TTN: variants seen among roughly 807,000 people sequenced by gnomAD.
The protein encoded by TTN is connectin.
TTN carries 1,525 observed loss-of-function variants against 3,223.0 expected under a neutral mutation model. The observed-to-expected ratio is 0.47, with a 90% CI of 0.45 to 0.49. The LOEUF (loss-of-function observed/expected upper bound fraction) is 0.49. TTN is among the 20% of genes least tolerant of loss of function. The pLI is 0.00. For synonymous variants in TTN, 14,094 were observed against 15,161.0 expected (o/e 0.93, Z 5.17); for missense variants, 40,786 against 43,424.0 (o/e 0.94, Z 5.40).
intron 319 of TTN, 63 bp from the exon 320 acceptor site, chr2:178,579,456 A>G: frequency 6.4e-7 from 1 of 1,561,962 alleles, no homozygotes; most frequent in Non-Finnish European, 8.6e-7. Context: ...TTTTTCAAAT[A>G]GTTCTAGCTT....
At chr2:178,753,301 C>T in intron 46 of TTN, 121 bp from the exon 47 acceptor site, 1 of 714,592 alleles carries the variant, frequency 1.4e-6, no homozygotes, top group Non-Finnish European at 2.3e-6. Flanking sequence ...CTACATTCCC[C>T]AAATTTACCA....
In TTN at chr2:178,759,007, C is replaced by T. The variant is rs368333336; in HGVS notation, c.10280G>A (p.Ser3427Asn). 13 of 1,613,894 alleles carry T rather than the reference C, an allele frequency of 8.1e-6. No individual in the cohort carries two copies. In the African/African-American group the frequency reaches 1.7e-4, roughly 22 times the overall value. Residue 3427 changes from serine (S) to asparagine (N), a missense_variant, in exon 44 of 363, where the codon AGC becomes AAC. Ser to Asn is a conservative substitution (Grantham distance 46, BLOSUM62 1). Coordinates refer to ENST00000589042, the MANE Select transcript of TTN (RefSeq NM_001267550.2). ...VASNAVGQVS[S>N]TANLSLEGFS... Reference sequence around the variant, plus strand: ...ACCTTCCAGACTCAGGTTGGCTGTGCTTGATACTTGGCCTACAGCATTACT... The same window carrying T: ...ACCTTCCAGACTCAGGTTGGCTGTGTTTGATACTTGGCCTACAGCATTACT...
chr2:178,533,444 G>A lies in TTN; in HGVS notation c.103171C>T (p.Pro34391Ser). ...TCTTTCTCCCATTTTAATGTTGGTG[G>A]GGGGATGCCAGACACTCTGATCTCA... ...CFEIRVSGIP[P>S]PTLKWEKDGQ... Residue 34391 changes from proline (P) to serine (S), a missense_variant, in exon 358 of 363, where the codon CCA becomes TCA. Pro to Ser is a moderately conservative substitution (Grantham distance 74). Coordinates refer to ENST00000589042, the MANE Select transcript of TTN (RefSeq NM_001267550.2). The A allele has an allele frequency of 2.5e-6, 4 of 1,613,788 alleles. No homozygotes were observed. The highest frequency in any genetic ancestry group is 2.5e-6 in the Non-Finnish European group (3 of 1,179,788).
Position 178,569,832 on chromosome 2 carries a change from C to G in TTN, c.76300G>C (p.Gly25434Arg). The part of the protein sequence containing the change: ...LSWSKPIYDG[G>R]CEIQGYIVEK... ...ACAATGTATCCTTGAATTTCACAGCCACCATCATATATTGGTTTGCTCCAA... is the reference window on the plus strand; with the variant it reads ...ACAATGTATCCTTGAATTTCACAGCGACCATCATATATTGGTTTGCTCCAA... Residue 25434 changes from glycine (G) to arginine (R), a missense_variant, in exon 326 of 363, where the codon GGC becomes CGC. By Grantham distance (125) the Gly-to-Arg change is moderately radical (BLOSUM62 -2). Transcript: ENST00000589042. The G allele has an allele frequency of 1.2e-6, 2 of 1,613,458 alleles. No individual in the cohort carries two copies. The highest frequency in any genetic ancestry group is 1.7e-6 in the Non-Finnish European group (2 of 1,179,620).
chr2:178,757,229 A>ACTGTACTTAC (rs1398848581), intron 45 of TTN, among the ~76,000 whole-genome samples: 1 of 149,626 alleles, frequency 6.7e-6, no homozygotes, highest in Admixed American at 6.7e-5. Context: ...AGTAAGTAAT[A>ACTGTACTTAC]ATCAGCAAAT....
Position 178,546,830 on chromosome 2 carries a change from T to A in TTN, c.94598A>T (p.Asp31533Val). The A allele has an allele frequency of 6.2e-7, 1 of 1,610,312 alleles. No homozygotes were observed. The highest frequency in any genetic ancestry group is 8.5e-7 in the Non-Finnish European group (1 of 1,177,034). Residue 31533 changes from aspartate to valine, a missense_variant, in exon 341 of 363, where the codon GAT becomes GTT. Transcript: ENST00000589042. ...GTAGCCCACAACCTTGCTGCCTCCA[T>A]CATACGCTGGGGCAGACCAAATCAG... Reference protein sequence around the residue: ...VSLIWSAPAYDGGSKVVGYII... With the variant: ...VSLIWSAPAYVGGSKVVGYII...
chr2:178,775,309 T>A (rs746684318), intron 28 of TTN, 47 bp downstream of exon 28: 1 of 1,612,674 alleles, frequency 6.2e-7, no homozygotes, highest in Admixed American at 1.7e-5. Flanking sequence ...TCATGGATAT[T>A]CTTGAATACA....
chr2:178,793,066 C>T (rs951341011), intron 9 of TTN, among the ~76,000 whole-genome samples: 6 of 152,214 alleles, frequency 3.9e-5, no homozygotes, highest in Non-Finnish European at 8.8e-5. Flanking sequence ...TTTCCCCATT[C>T]CTGCCTCAGC....
chr2:178,631,071 A>G lies in TTN; in HGVS notation c.43977T>C (p.Cys14659=). Residue 14659 remains cysteine, a synonymous_variant, in exon 237 of 363, where the codon TGT becomes TGC. Coordinates refer to ENST00000589042, the MANE Select transcript of TTN (RefSeq NM_001267550.2). ...KSDIGQYTCD[C]GTDKTSGKLD... is the part of the protein sequence containing the mutation. ...GTTTTCCTGAGGTCTTATCTGTCCC[A>G]CAGTCACAGGTGTACTGTCCAATAT... is the stretch of plus-strand genomic sequence containing the variant. 1 of 1,613,302 alleles carries G rather than the reference A, an allele frequency of 6.2e-7. No individual in the cohort carries two copies. The highest frequency in any genetic ancestry group is 8.5e-7 in the Non-Finnish European group (1 of 1,179,586).
At chr2:178,641,990 CTTAG>C (rs1433910526) in intron 219 of TTN, among the ~76,000 whole-genome samples, 1 of 151,086 alleles carries the variant, frequency 6.6e-6, no homozygotes, top group Non-Finnish European at 1.5e-5. Flanking sequence ...ATATTATCAA[CTTAG>C]TTATGTCTAT....
In TTN at chr2:178,598,525, C is replaced by T. The variant is rs1064797275; in HGVS notation, c.57092G>A (p.Gly19031Glu). The change falls in exon 292 of 363, where the codon GGA becomes GAA. Residue 19031 changes from glycine (G) to glutamate (E), a missense_variant. Gly to Glu is a moderately conservative substitution (Grantham distance 98). Transcript: ENST00000589042. ...TGYIVEYKEE[G>E]KEEWEKGKDK... Reference sequence around the variant, plus strand: ...TCCTACCTTTTCCCATTCTTCTTTTCCTTCTTCTTTATATTCAACGATGTA... The same window carrying T: ...TCCTACCTTTTCCCATTCTTCTTTTTCTTCTTCTTTATATTCAACGATGTA... 4 of 1,605,938 alleles carry T rather than the reference C, an allele frequency of 2.5e-6. No individual in the cohort carries two copies. In the African/African-American group the frequency reaches 5.4e-5, roughly 22 times the overall value.
rs376316611 is a variant in TTN, at chr2:178,604,237, A to G, written c.54450T>C (p.Ser18150=). The change falls in exon 282 of 363, where the codon AGT becomes AGC. Residue 18150 remains serine, a synonymous_variant. Coordinates refer to ENST00000589042, the MANE Select transcript of TTN (RefSeq NM_001267550.2). The part of the protein sequence containing the change: ...RVRAVNKYGI[S]DECKSDKVVI... ...CTACTTTATCTGATTTGCACTCATC[A>G]CTGATTCCATATTTATTCACTGCCC... 3.8e-6 allele frequency: 6 copies of G among 1,592,860 alleles called. No individual in the cohort carries two copies. The highest frequency in any genetic ancestry group is 1.7e-4 in the Middle Eastern group (1 of 5,970).
At position 178,572,229 on chromosome 2, in the gene TTN, G is replaced by C. The variant is rs757091463; in HGVS notation, c.73903C>G (p.Leu24635Val). The C allele has an allele frequency of 1.2e-6, 2 of 1,613,300 alleles. No individual in the cohort carries two copies. The highest frequency in any genetic ancestry group is 1.7e-5 in the Admixed American group (1 of 59,962). ...LMDVTRNSVS[L>V]SWEKPEHDGG... Reference sequence around the variant, plus strand: ...TCATGCTCTGGTTTCTCCCAAGAGAGTGACACACTATTTCTTGTGACATCC... The same window carrying C: ...TCATGCTCTGGTTTCTCCCAAGAGACTGACACACTATTTCTTGTGACATCC... The change falls in exon 326 of 363, where the codon CTC becomes GTC. Residue 24635 changes from leucine to valine, a missense_variant. By Grantham distance (32) the Leu-to-Val change is conservative. Coordinates refer to ENST00000589042, the MANE Select transcript of TTN (RefSeq NM_001267550.2).
Position 178,725,913 on chromosome 2 carries a change from G to A in TTN, c.20409C>T (p.Ser6803=), listed in dbSNP as rs750465610. 1.2e-6 allele frequency: 2 copies of A among 1,613,058 alleles called. No homozygotes were observed. The change falls in exon 70 of 363, where the codon AGC becomes AGT. Residue 6803 remains serine, a synonymous_variant. Transcript: ENST00000589042. ...TGGATGCAATCTTGTATTTCTTGCT[G>A]CTTCTGAGTTGCCGCTTGTCTTTGT... ...VWYKDKRQLR[S]SKKYKIASKN...
At chr2:178,771,608 C>G (rs2091497584) in intron 33 of TTN, 137 bp from the exon 34 acceptor site, 1 of 1,296,642 alleles carries the variant, frequency 7.7e-7, no homozygotes, top group South Asian at 1.3e-5. Flanking sequence ...TTGTTTTTAC[C>G]CATATTGAGA....
intron 120 of TTN, 125 bp downstream of exon 120, chr2:178,692,372 C>T (rs2072677604): frequency 2.0e-6 from 2 of 982,440 alleles, no homozygotes; most frequent in African/African-American, 3.3e-5. Context: ...TAAATGAAAT[C>T]AATATACACA....
chr2:178,746,114 A>G lies in TTN; in HGVS notation c.11312-4193T>C, dbSNP rs753909665. On this transcript the variant is annotated intron_variant, in intron 47 of 362. Transcript: ENST00000589042. ...AGTGTGACTTCCCTTCTCCTCGCTA[A>G]TCACGTATTTAATATTATCTGGCTC... is the stretch of plus-strand genomic sequence containing the variant. 4.3e-6 allele frequency: 7 copies of G among 1,613,344 alleles called. No individual in the cohort carries two copies. Among genetic ancestry groups the G allele is most frequent in the Non-Finnish European group, 5.9e-6 (7 of 1,179,592 alleles).
In TTN at chr2:178,554,006, C is replaced by G. The variant is rs1304120500; in HGVS notation, c.89105G>C (p.Ser29702Thr). Residue 29702 changes from serine (S) to threonine (T), a missense_variant, in exon 333 of 363, where the codon AGT (serine) becomes ACT (threonine). Physicochemically the swap from Ser to Thr is moderately conservative, Grantham distance 58. Coordinates refer to ENST00000589042, the MANE Select transcript of TTN (RefSeq NM_001267550.2). ...RQKVTGLTEN[S>T]DYQYRVCAVN... ...AGCACAAACTCTGTATTGATAGTCA[C>G]TGTTTTCTGTGAGTCCTGTTACTTT... The G allele has an allele frequency of 2.5e-6, 4 of 1,613,528 alleles. No homozygotes were observed.
At chr2:178,774,510 G>T (rs1561267225) in intron 29 of TTN, 37 bp from the exon 30 acceptor site, 1 of 1,598,132 alleles carries the variant, frequency 6.3e-7, no homozygotes, top group Non-Finnish European at 8.5e-7. Flanking sequence ...CAATTTTTTT[G>T]GAGAGGTATG....
Sources: gnomAD v4.1 joint callset for allele counts (sites outside exome capture counted in the v4.1 genomes callset) on GRCh38, gnomAD v4.1.1 for gene constraint, MANE v1.5 for transcripts, NCBI Gene and HGNC (gene_info 2026-07-23, HGNC 2026-07-21) for gene names.